GOLGB1: variants seen among roughly 807,000 people sequenced by gnomAD.
GOLGB1 encodes golgin subfamily B member 1.
A neutral mutation model predicts 336.9 loss-of-function variants in GOLGB1; 174 were observed. That is an observed-to-expected ratio of 0.52 (90% confidence interval 0.46 to 0.59). The LOEUF is 0.59. GOLGB1 is among the 20% of genes least tolerant of loss of function. GOLGB1 has a pLI of 0.00. For synonymous variants in GOLGB1, 1,208 were observed against 1,289.2 expected (o/e 0.94, Z 1.35); for missense variants, 3,331 against 3,645.3 (o/e 0.91, Z 2.22).
At chr3:121,733,236 T>C (rs956928845) in intron 1 of GOLGB1, among the ~76,000 whole-genome samples, 1 of 130,906 alleles carries the variant, frequency 7.6e-6, no homozygotes, top group African/African-American at 2.9e-5. Context: ...GGCAGGAGAA[T>C]GGCGTGAACC....
In GOLGB1 at chr3:121,695,157, T is replaced by C. The variant is rs956726162; in HGVS notation, c.5366A>G (p.Asn1789Ser). 1 of 1,613,974 alleles carries C rather than the reference T, an allele frequency of 6.2e-7. No homozygotes were observed. The highest frequency in any genetic ancestry group is 8.5e-7 in the Non-Finnish European group (1 of 1,179,934). Residue 1789 changes from asparagine to serine, a missense_variant, in exon 13 of 22, where the codon AAT becomes AGT. By Grantham distance (46) the Asn-to-Ser change is conservative. Coordinates refer to ENST00000614479, the MANE Select transcript of GOLGB1 (RefSeq NM_001366282.2). ...AGACTGTGTTCCCTCTTCAGTGACA[T>C]TCGTTTGGTTATCATGTTTCTCGGT... ...EATEKHDNQT[N>S]VTEEGTQSIP...
intron 18 of GOLGB1, among the ~76,000 whole-genome samples, chr3:121,668,930 T>C (rs1939101983): frequency 6.6e-6 from 1 of 152,196 alleles, no homozygotes; most frequent in African/African-American, 2.4e-5. Flanking sequence ...TAAAGCAAAA[T>C]CAACACTTTC....
rs1940539101 is a variant in GOLGB1, at chr3:121,677,336, C to T, written c.8988G>A (p.Leu2996=). The T allele has an allele frequency of 6.2e-7, 1 of 1,611,508 alleles. No individual in the cohort carries two copies. Among genetic ancestry groups the T allele is most frequent in the South Asian group, 1.1e-5 (1 of 91,016 alleles). Residue 2996 remains leucine, a synonymous_variant, in exon 16 of 22, where the codon TTG becomes TTA. Transcript: ENST00000614479. The part of the protein sequence containing the change: ...LSHLQNLIRE[L]RSSSSQTQPL... ...GCTGAGTCTGGGAGGAAGAAGACCT[C>T]AATTCCCTTATAAGATTCTGCAGAT...
At chr3:121,690,214 T>G (rs781590035) in intron 14 of GOLGB1, among the ~76,000 whole-genome samples, 11 of 152,216 alleles carry the variant, frequency 7.2e-5, no homozygotes, top group Non-Finnish European at 1.6e-4. Context: ...TGAGATGAAC[T>G]GAGTCCTTTC....
intron 15 of GOLGB1, 113 bp from the exon 16 acceptor site, chr3:121,677,563 G>A: frequency 2.2e-5 from 15 of 691,612 alleles, no homozygotes; most frequent in East Asian, 5.8e-5. Flanking sequence ...AAATCTGGAA[G>A]GTAAAGAAAG....
chr3:121,670,705 C>T (rs562137304), intron 17 of GOLGB1, among the ~76,000 whole-genome samples: 1 of 137,650 alleles, frequency 7.3e-6, no homozygotes, highest in East Asian at 2.1e-4. Flanking sequence ...TGATGGTGTC[C>T]AGTCTGATAG....
chr3:121,739,424 C>T (rs1946703920), intron 1 of GOLGB1, among the ~76,000 whole-genome samples: 2 of 151,946 alleles, frequency 1.3e-5, no homozygotes, highest in Non-Finnish European at 2.9e-5. Flanking sequence ...CCACTTAAAT[C>T]TACTGAAGGA....
In GOLGB1 at chr3:121,691,432, T is replaced by C; in HGVS notation, c.7932A>G (p.Glu2644=). ...ACAAAGCACTTAACCTGTGTACCTC[T>C]TCTTCTTTTACTTTTAACTGGGCAT... ...LYHAQLKVKE[E]EVHRLSALFS... Residue 2644 remains glutamate (E), a synonymous_variant, in exon 14 of 22, where the codon GAA becomes GAG. Coordinates refer to ENST00000614479, the MANE Select transcript of GOLGB1 (RefSeq NM_001366282.2). 2 of 1,613,806 alleles carry C rather than the reference T, an allele frequency of 1.2e-6. No individual in the cohort carries two copies. The highest frequency in any genetic ancestry group is 1.7e-6 in the Non-Finnish European group (2 of 1,179,992).
chr3:121,677,554 A>G, intron 15 of GOLGB1, 104 bp from the exon 16 acceptor site: 1 of 739,244 alleles, frequency 1.4e-6, no homozygotes, highest in Non-Finnish European at 2.3e-6. Flanking sequence ...AAGTTACTCA[A>G]ATCTGGAAGG....
At position 121,664,792 on chromosome 3, in the gene GOLGB1, C is replaced by G. The variant is rs563478653; in HGVS notation, c.9660+134G>C. 3 of 776,340 alleles carry G rather than the reference C, an allele frequency of 3.9e-6. No homozygotes were observed. The Admixed American group carries it at 6.9e-5, about 18-fold the overall frequency. The allele number at this position is 776,340 out of a possible 1,614,324, so 48.1% of individuals were successfully genotyped here. ...AATTCCACCAGGTTCTAATCTTCCA[C>G]GCCCTTCCAGCCTTAGACTCATTCG... On this transcript the variant is annotated intron_variant, in intron 21 of 21. Coordinates refer to ENST00000614479, the MANE Select transcript of GOLGB1 (RefSeq NM_001366282.2).
chr3:121,711,206 T>C (rs1365460826), intron 10 of GOLGB1, among the ~76,000 whole-genome samples: 1 of 151,486 alleles, frequency 6.6e-6, no homozygotes, highest in Admixed American at 6.6e-5. Context: ...AATAAATAAA[T>C]AGAAAAATTT....
rs924687114 is a variant in GOLGB1, at chr3:121,704,069, T to A, written c.1405-1474A>T. On this transcript the variant is annotated intron_variant, in intron 10 of 21. Transcript: ENST00000614479. ...ACGACAGAAGAAAGTCTTGGTGAAT[T>A]GAGGATGATAAATCAACTGAAATTA... Among the ~76,000 whole-genome samples the A allele has an allele frequency of 4.6e-5, 7 of 151,476 alleles. No homozygotes were observed. The East Asian group carries it at 1.4e-3, about 30-fold the overall frequency.
chr3:121,711,223 G>A (rs1309747733), intron 10 of GOLGB1, among the ~76,000 whole-genome samples: 1 of 151,590 alleles, frequency 6.6e-6, no homozygotes, highest in African/African-American at 2.4e-5. Flanking sequence ...ATTTTTAGGA[G>A]GATTGCTACA....
At chr3:121,741,217 G>A (rs1946830629) in intron 1 of GOLGB1, among the ~76,000 whole-genome samples, 1 of 151,942 alleles carries the variant, frequency 6.6e-6, no homozygotes, top group Non-Finnish European at 1.5e-5. Context: ...TTTACTAGAG[G>A]CAAAACTTGA....
chr3:121,699,053 T>G (rs1943184187), intron 12 of GOLGB1, 124 bp from the exon 13 acceptor site: 1 of 684,056 alleles, frequency 1.5e-6, no homozygotes, highest in South Asian at 2.1e-5. Flanking sequence ...ACCTTCTTTG[T>G]ACCATAACAC....
rs1945259253 is a variant in GOLGB1 at position 121,722,358 on chromosome 3, T to A, written c.552A>T (p.Glu184Asp). Reference sequence around the variant, plus strand: ...GGAGCTGTTGCTTCATCATTACAAATTCTTCCATCTCTGTAGAACTCTTAT... The same window carrying A: ...GGAGCTGTTGCTTCATCATTACAAAATCTTCCATCTCTGTAGAACTCTTAT... The part of the protein sequence containing the change: ...QPAQSSTEME[E>D]FVMMKQQLQE... The change falls in exon 6 of 22, where the codon GAA becomes GAT. Residue 184 changes from glutamate to aspartate, a missense_variant. Glu to Asp is a conservative substitution (Grantham distance 45). Coordinates refer to ENST00000614479, the MANE Select transcript of GOLGB1 (RefSeq NM_001366282.2). 6.3e-7 allele frequency: 1 copy of A among 1,599,664 alleles called. No homozygotes were observed. The highest frequency in any genetic ancestry group is 8.6e-7 in the Non-Finnish European group (1 of 1,166,886).
chr3:121,743,659 T>C (rs1248437281), intron 1 of GOLGB1, among the ~76,000 whole-genome samples: 1 of 152,118 alleles, frequency 6.6e-6, no homozygotes, highest in African/African-American at 2.4e-5. Flanking sequence ...GAATACAAAT[T>C]ATAAATACAC....
chr3:121,675,047 AG>A (rs752041700), intron 17 of GOLGB1, among the ~76,000 whole-genome samples: 2 of 151,304 alleles, frequency 1.3e-5, no homozygotes, highest in Non-Finnish European at 2.9e-5. Flanking sequence ...CTTGTTAGCC[AG>A]GATGGTCTCG....
chr3:121,673,060 T>G (rs2107593976), intron 17 of GOLGB1, among the ~76,000 whole-genome samples: 1 of 151,182 alleles, frequency 6.6e-6, no homozygotes, highest in East Asian at 1.9e-4. Context: ...TTTGTGTGTT[T>G]TTTTGTTTTT....
Sources: gnomAD v4.1 joint callset for allele counts (sites outside exome capture counted in the v4.1 genomes callset) on GRCh38, gnomAD v4.1.1 for gene constraint, MANE v1.5 for transcripts, NCBI Gene and HGNC (gene_info 2026-07-23, HGNC 2026-07-21) for gene names.